Variants in CLDN2 observed in about 807,000 individuals in gnomAD.
CLDN2 encodes claudin 2, also known as claudin-2.
CLDN2 carries 1 observed loss-of-function variant against 8.2 expected under a neutral mutation model. That is an observed-to-expected ratio of 0.12 (90% confidence interval 0.04 to 0.58). The LOEUF (loss-of-function observed/expected upper bound fraction) is 0.58, where lower values mean the gene tolerates loss of function less well. Among genes scored for constraint, CLDN2 ranks in the 20% least tolerant of loss-of-function variants. The pLI, the probability that CLDN2 is intolerant of heterozygous loss-of-function variation, is 0.90. For missense variants in CLDN2, 108 were observed against 172.9 expected, an observed-to-expected ratio of 0.62 and a Z score of 2.11; for synonymous variants, 70 against 70.2, an observed-to-expected ratio of 1.00 and a Z score of 0.01.
intron 1 of CLDN2, among the ~76,000 whole-genome samples, chrX:106,910,050 C>T (rs1249426785): frequency 1.8e-5 from 2 of 111,415 alleles, no homozygotes; most frequent in Non-Finnish European, 3.8e-5. Context: ...CCTCCCCTGG[C>T]TCCTTGGGCC....
upstream of CLDN2, among the ~76,000 whole-genome samples, chrX:106,917,313 T>C (rs1423377691): frequency 1.8e-5 from 2 of 111,611 alleles, no homozygotes; most frequent in Non-Finnish European, 3.8e-5. Context: ...CCCAGAAAGA[T>C]AAGAGGGAAA....
intron 1 of CLDN2, among the ~76,000 whole-genome samples, chrX:106,922,652 A>G (rs1332536052): frequency 8.9e-6 from 1 of 112,365 alleles, no homozygotes; most frequent in South Asian, 3.7e-4. Context: ...AGCCTGGGTG[A>G]GGAGCAGGGA....
At chrX:106,903,474 T>A (rs1933138433) in intron 1 of CLDN2, 1 of 389,689 alleles carries the variant, frequency 2.6e-6, no homozygotes, top group African/African-American at 2.5e-5. Context: ...AAAGCTGGGT[T>A]ACCTGGGTGT....
In CLDN2 at chrX:106,925,234, T is replaced by A. The variant is rs754740545; in HGVS notation, c.-178-2817T>A. On this transcript the variant is annotated intron_variant, in intron 1 of 1. Transcript: ENST00000336803. The stretch of plus-strand genomic sequence containing the variant: ...CTTATAATGGTCCCATAAGAAACAC[T>A]ACATAAGTGTTGCTATTATTATTAT... Among the ~76,000 whole-genome samples, 5 of 111,957 alleles carry A rather than the reference T, an allele frequency of 4.5e-5. No homozygotes were observed. The Admixed American group carries it at 4.7e-4, about 11-fold the overall frequency.
At chrX:106,911,585 C>T (rs1309125122) in intron 1 of CLDN2, among the ~76,000 whole-genome samples, 1 of 112,049 alleles carries the variant, frequency 8.9e-6, no homozygotes, top group Non-Finnish European at 1.9e-5. Flanking sequence ...CTGCAGGAAG[C>T]CTCCAAGCCA....
At chrX:106,900,720 C>T (rs761077581) in intron 1 of CLDN2, 122 of 1,186,656 alleles carry the variant, frequency 1.0e-4, no homozygotes, top group Non-Finnish European at 1.3e-4. Context: ...TACCCTCACA[C>T]ACCCTTCTGG....
intron 1 of CLDN2, among the ~76,000 whole-genome samples, chrX:106,906,873 A>G (rs1933186464): frequency 9.0e-6 from 1 of 110,987 alleles, no homozygotes; most frequent in Non-Finnish European, 1.9e-5. Flanking sequence ...CTCCCCCTCC[A>G]CTGTATGTTC....
At position 106,930,406 on chromosome X, in the gene CLDN2, G is replaced by A. The variant is rs1933535616; in HGVS notation, c.*1485G>A. ...AAAGGTATTTTCCCTCACCAGTCTA[G>A]GCATGACTGGCTTCTGAAAAATTCC... On this transcript the variant is annotated 3_prime_UTR_variant, in exon 2 of 2. Coordinates refer to ENST00000336803, the MANE Select transcript of CLDN2 (RefSeq NM_020384.4). 1 of 123,058 alleles carries A rather than the reference G, an allele frequency of 8.1e-6. No homozygotes were observed. The highest frequency in any genetic ancestry group is 9.5e-5 in the Admixed American group (1 of 10,564). The allele number at this position is 123,058 out of a possible 1,213,427, so 10.1% of individuals were successfully genotyped here. A position where few individuals can be genotyped will look rare whatever the true frequency, so the allele number is the denominator to read the frequency against.
intron 1 of CLDN2, chrX:106,900,869 G>A: frequency 8.3e-7 from 1 of 1,211,017 alleles, no homozygotes; most frequent in Non-Finnish European, 1.1e-6. Flanking sequence ...CCCCAGCACT[G>A]TACAGATAGT....
chrX:106,910,643 T>C (rs916490872), intron 1 of CLDN2, among the ~76,000 whole-genome samples: 2 of 107,801 alleles, frequency 1.9e-5, no homozygotes, highest in African/African-American at 6.8e-5. Flanking sequence ...CCCCAGGAGG[T>C]AGAGGTTGCA....
chrX:106,911,646 T>G (rs766450655), intron 1 of CLDN2, among the ~76,000 whole-genome samples: 1 of 112,021 alleles, frequency 8.9e-6, no homozygotes, highest in Admixed American at 9.4e-5. Context: ...TTTTCCCCCA[T>G]GTAGGGGTGC....
chrX:106,925,616 G>C (rs1045536750), intron 1 of CLDN2, among the ~76,000 whole-genome samples: 3 of 112,313 alleles, frequency 2.7e-5, no homozygotes, highest in African/African-American at 9.7e-5. Flanking sequence ...GTAGTGACTC[G>C]ATCAGATTAA....
At chrX:106,904,798 CAT>C (rs986244257) in intron 1 of CLDN2, among the ~76,000 whole-genome samples, 7 of 111,761 alleles carry the variant, frequency 6.3e-5, no homozygotes, top group African/African-American at 2.3e-4. Flanking sequence ...GAAAAGTTAA[CAT>C]ATTGAAAGAG....
chrX:106,919,494 G>A (rs6523906), upstream of CLDN2, among the ~76,000 whole-genome samples: 50,392 of 109,355 alleles, frequency 0.46, 8,765 homozygotes, highest in East Asian at 0.93. Flanking sequence ...TGTTTGCTTT[G>A]CTTTTTTGAG....
rs1434401096 is a variant in CLDN2 at position 106,900,771 on chromosome X, T to C, written c.-179+267T>C. ...CTCCTACTTCTCTTCTTCATCCTCC[T>C]GCTCTTCATCTTCCTCTTCTTCTTC... is the stretch of plus-strand genomic sequence containing the variant. On this transcript the variant is annotated intron_variant, in intron 1 of 1. Transcript: ENST00000541806. 9.1e-6 allele frequency: 11 copies of C among 1,208,687 alleles called. No homozygotes were observed. In the African/African-American group the frequency reaches 1.4e-4, roughly 15 times the overall value.
intron 1 of CLDN2, among the ~76,000 whole-genome samples, chrX:106,908,724 G>A (rs928100365): frequency 1.7e-4 from 19 of 109,308 alleles, no homozygotes; most frequent in South Asian, 4.1e-4. Flanking sequence ...AAGTAGCTGG[G>A]ACCACAGGTG....
At chrX:106,901,897 C>T (rs1933104661) in intron 1 of CLDN2, among the ~76,000 whole-genome samples, 1 of 112,052 alleles carries the variant, frequency 8.9e-6, no homozygotes, top group East Asian at 2.8e-4. Flanking sequence ...AGCACTGCCA[C>T]ACACTGGCTG....
intron 1 of CLDN2, among the ~76,000 whole-genome samples, chrX:106,906,295 G>A (rs1933177248): frequency 9.0e-6 from 1 of 111,103 alleles, no homozygotes; most frequent in Non-Finnish European, 1.9e-5. Flanking sequence ...GGCTAGCATT[G>A]CCTAGCTAAC....
At chrX:106,909,470 A>G (rs1933220250) in intron 1 of CLDN2, among the ~76,000 whole-genome samples, 1 of 111,491 alleles carries the variant, frequency 9.0e-6, no homozygotes, top group Non-Finnish European at 1.9e-5. Flanking sequence ...AATTTCCAGC[A>G]ACAAGTTCTG....
Sources: allele counts gnomAD v4.1 joint callset (sites outside exome capture counted in the v4.1 genomes callset), GRCh38; gene constraint gnomAD v4.1.1; transcripts MANE v1.5; gene names NCBI Gene and HGNC (gene_info 2026-07-23, HGNC 2026-07-21).